Variants in MAP3K13 observed in about 807,000 individuals in gnomAD.
MAP3K13 encodes the protein mitogen-activated protein kinase kinase kinase 13.
A neutral mutation model predicts 104.0 loss-of-function variants in MAP3K13; 52 were observed. That is an observed-to-expected ratio of 0.50 (90% CI 0.40 to 0.63). MAP3K13 has a LOEUF of 0.63. Among genes scored for constraint, MAP3K13 ranks in the 20% least tolerant of loss-of-function variants. MAP3K13 has a pLI of 0.00. For missense variants in MAP3K13, 914 were observed against 1,218.5 expected, an observed-to-expected ratio of 0.75 and a Z score of 3.72; for synonymous variants, 394 against 442.2, an observed-to-expected ratio of 0.89 and a Z score of 1.37.
intron 2 of MAP3K13, among the ~76,000 whole-genome samples, chr3:185,300,471 G>C (rs1287399200): frequency 6.6e-6 from 1 of 151,184 alleles, no homozygotes; most frequent in African/African-American, 2.4e-5. Context: ...ACCACGCCCG[G>C]CCCTATTTCC....
At chr3:185,457,132 GCCACAGTCGGGTTC>G (rs373031057) in intron 7 of MAP3K13, among the ~76,000 whole-genome samples, 4 of 47,344 alleles carry the variant, frequency 8.4e-5, no homozygotes, top group Admixed American at 2.5e-4. Flanking sequence ...CAGCTAAGTT[GCCACAGTCGGGTTC>G]CTCACCTGAA....
rs1326631565 is a variant in MAP3K13, at chr3:185,451,753, C to T, written c.1278+358C>T. Among the ~76,000 whole-genome samples the T allele has an allele frequency of 4.0e-5, 6 of 151,392 alleles. No homozygotes were observed. The East Asian group carries it at 7.8e-4, about 20-fold the overall frequency. ...ATGGTGGCGCATGCCTGTAATCCCA[C>T]CTACTCAGGAGGCTGAGGCAGGAGA... On this transcript the variant is annotated intron_variant, in intron 7 of 13. Transcript: ENST00000265026.
chr3:185,390,764 C>T lies in MAP3K13; in HGVS notation c.-86+27396C>T, dbSNP rs2108767652. Among the ~76,000 whole-genome samples, 3 of 151,378 alleles carry T rather than the reference C, an allele frequency of 2.0e-5. No individual in the cohort carries two copies. The South Asian group carries it at 6.3e-4, about 32-fold the overall frequency. ...TCAGCCTCCTGAGTAGCTGGGACTA[C>T]AGGCGCCCACCACCACGCCCAGCTA... On this transcript the variant is annotated intron_variant, in intron 1 of 13. Transcript: ENST00000265026.
chr3:185,403,230 C>A (rs952975050), intron 1 of MAP3K13, among the ~76,000 whole-genome samples: 1 of 152,134 alleles, frequency 6.6e-6, no homozygotes, highest in African/African-American at 2.4e-5. Context: ...TGCTGCTGTT[C>A]GGAAATTGCT....
At chr3:185,336,972 G>A (rs1331830573) in intron 2 of MAP3K13, among the ~76,000 whole-genome samples, 1 of 151,994 alleles carries the variant, frequency 6.6e-6, no homozygotes, top group Non-Finnish European at 1.5e-5. Context: ...ATCTCATTCT[G>A]CCTTCCTCAC....
chr3:185,434,888 G>A (rs529429519), intron 2 of MAP3K13, among the ~76,000 whole-genome samples: 4 of 152,242 alleles, frequency 2.6e-5, no homozygotes, highest in African/African-American at 4.8e-5. Context: ...GTTCAAAGAC[G>A]TACTGCTCAG....
intron 1 of MAP3K13, chr3:185,417,706 G>C: frequency 6.2e-7 from 1 of 1,612,614 alleles, no homozygotes; most frequent in Non-Finnish European, 8.5e-7. Context: ...TAGTGCTGCT[G>C]CTGCAGCAGC....
intron 7 of MAP3K13, among the ~76,000 whole-genome samples, chr3:185,463,098 G>T (rs1233173368): frequency 6.6e-6 from 1 of 152,092 alleles, no homozygotes; most frequent in Non-Finnish European, 1.5e-5. Context: ...ATTTTCTCAA[G>T]ATACTTTCCC....
intron 7 of MAP3K13, among the ~76,000 whole-genome samples, chr3:185,455,705 G>GATATATATATC (rs1431264225): frequency 5.7e-4 from 6 of 10,586 alleles, no homozygotes; most frequent in South Asian, 4.1e-3. Context: ...ATATATATGA[G>GATATATATATC]ATATATATGA....
intron 2 of MAP3K13, among the ~76,000 whole-genome samples, chr3:185,347,774 C>T (rs1370309203): frequency 6.6e-6 from 1 of 151,972 alleles, no homozygotes; most frequent in Non-Finnish European, 1.5e-5. Flanking sequence ...TTTGGGAAGT[C>T]GAGGCGGGTG....
Position 185,488,824 on chromosome 3 carries a change from T to TC in MAP3K13, c.*6371dup, listed in dbSNP as rs557619655. Reference sequence around the variant, plus strand: ...GCTCTTCACCTTCAGAGTGACCACTTCCCAGACTCTGGAAGTGGGAAGACC... The same window carrying TC: ...GCTCTTCACCTTCAGAGTGACCACTTCCCCAGACTCTGGAAGTGGGAAGACC... On this transcript the variant is annotated 3_prime_UTR_variant, in exon 14 of 14. Transcript: ENST00000265026. 6 of 152,342 alleles carry TC rather than the reference T, an allele frequency of 3.9e-5. No homozygotes were observed. In the South Asian group the frequency reaches 1.2e-3, roughly 32 times the overall value. The allele number at this position is 152,342 out of a possible 1,614,324, so 9.4% of individuals were successfully genotyped here.
At chr3:185,343,610 G>C (rs1577444954) in intron 2 of MAP3K13, among the ~76,000 whole-genome samples, 1 of 152,062 alleles carries the variant, frequency 6.6e-6, no homozygotes, top group Non-Finnish European at 1.5e-5. Flanking sequence ...GTGCCACCAT[G>C]CCCAGCTAGT....
rs185280559 is a variant in MAP3K13 at position 185,389,642 on chromosome 3, C to T, written c.-86+26274C>T. ...TTCACAGTCTACTTGGAGAGATTGA[C>T]ACATACGCCGTATTTTAGTCGGGCA... On this transcript the variant is annotated intron_variant, in intron 1 of 13. Transcript: ENST00000265026. 8.5e-3 allele frequency among the ~76,000 whole-genome samples: 1,286 copies of T among 151,378 alleles called. 12 individuals carry two copies. Among genetic ancestry groups the T allele is most frequent in the Middle Eastern group, 0.017 (5 of 294 alleles).
intron 2 of MAP3K13, among the ~76,000 whole-genome samples, chr3:185,307,917 C>T (rs778603588): frequency 1.1e-4 from 16 of 150,384 alleles, no homozygotes; most frequent in Admixed American, 2.7e-4. Context: ...CTTTATTTGT[C>T]TATCTGTCCT....
At chr3:185,461,537 G>A (rs868683798) in intron 7 of MAP3K13, among the ~76,000 whole-genome samples, 10 of 151,978 alleles carry the variant, frequency 6.6e-5, no homozygotes, top group East Asian at 1.9e-4. Flanking sequence ...CTTAATGAGA[G>A]CTACTGTCTT....
At chr3:185,387,359 C>T (rs895925564) in intron 1 of MAP3K13, among the ~76,000 whole-genome samples, 2 of 152,098 alleles carry the variant, frequency 1.3e-5, no homozygotes, top group African/African-American at 2.4e-5. Flanking sequence ...CTCTCTGTTG[C>T]TTCCTCTCTC....
At chr3:185,371,635 T>C (rs1198386140) in intron 1 of MAP3K13, among the ~76,000 whole-genome samples, 2 of 151,996 alleles carry the variant, frequency 1.3e-5, no homozygotes, top group Non-Finnish European at 2.9e-5. Context: ...AAGGTTAAGG[T>C]AGCCAAAGAT....
Position 185,305,642 on chromosome 3 carries a change from C to T in MAP3K13, c.-86+19999C>T, listed in dbSNP as rs912673334. On this transcript the variant is annotated intron_variant, in intron 2 of 14. Transcript: ENST00000424227. ...GTTATCTACTATCCTTTTATTTCAA[C>T]CCGAGGGACTTCCTTTCGCATTTCT... Among the ~76,000 whole-genome samples, 13 of 152,242 alleles carry T rather than the reference C, an allele frequency of 8.5e-5. 1 individual carries two copies. The highest frequency in any genetic ancestry group is 2.4e-4 in the African/African-American group (10 of 41,568).
intron 4 of MAP3K13, 76 bp from the exon 5 acceptor site, chr3:185,447,713 C>A: frequency 8.6e-7 from 1 of 1,157,702 alleles, no homozygotes; most frequent in Non-Finnish European, 1.2e-6. Flanking sequence ...ATAAAGTCTT[C>A]AGTTTCAGCC....
Sources: allele counts gnomAD v4.1 joint callset (sites outside exome capture counted in the v4.1 genomes callset), GRCh38; gene constraint gnomAD v4.1.1; transcripts MANE v1.5; gene names NCBI Gene and HGNC (gene_info 2026-07-23, HGNC 2026-07-21).